CFAP70: variants seen among roughly 807,000 people sequenced by gnomAD.
CFAP70 encodes cilia- and flagella-associated protein 70.
A neutral mutation model predicts 137.6 loss-of-function variants in CFAP70; 81 were observed. That is an observed-to-expected ratio of 0.59 (90% confidence interval 0.49 to 0.71). The LOEUF is 0.71. CFAP70 is among the 30% of genes least tolerant of loss of function. CFAP70 has a pLI of 0.00. For missense variants in CFAP70, 976 were observed against 1,226.7 expected (o/e 0.80, Z 3.05); for synonymous variants, 382 against 423.6 (o/e 0.90, Z 1.20).
intron 1 of CFAP70, among the ~76,000 whole-genome samples, chr10:73,357,773 A>C (rs572161040): frequency 1.1e-4 from 16 of 152,224 alleles, no homozygotes; most frequent in African/African-American, 2.4e-4. Context: ...CCCTGGAATT[A>C]TCTCTCCCTT....
intron 19 of CFAP70, among the ~76,000 whole-genome samples, chr10:73,289,655 T>G (rs2048019008): frequency 6.6e-6 from 1 of 152,172 alleles, no homozygotes; most frequent in African/African-American, 2.4e-5. Flanking sequence ...AAAGATTATG[T>G]TAGGCCTTTG....
chr10:73,335,060 CTTT>C (rs547226854), intron 7 of CFAP70, among the ~76,000 whole-genome samples: 212 of 118,328 alleles, frequency 1.8e-3, no homozygotes, highest in African/African-American at 6.7e-3. Flanking sequence ...TCTTCTTCTT[CTTT>C]TTTTTTTTTT....
chr10:73,333,595 C>T (rs1033566406), intron 7 of CFAP70, among the ~76,000 whole-genome samples: 4 of 151,728 alleles, frequency 2.6e-5, no homozygotes, highest in Admixed American at 2.0e-4. Context: ...AAGACAGTAG[C>T]GCAAACTATT....
At chr10:73,348,699 T>C (rs2053936215) in intron 3 of CFAP70, among the ~76,000 whole-genome samples, 178 bp from the exon 4 acceptor site, 1 of 152,208 alleles carries the variant, frequency 6.6e-6, no homozygotes, top group Non-Finnish European at 1.5e-5. Context: ...TCAGTGACTT[T>C]TGAACTTTTT....
chr10:73,333,991 G>A (rs2052375115), intron 7 of CFAP70, among the ~76,000 whole-genome samples: 1 of 152,216 alleles, frequency 6.6e-6, no homozygotes. Flanking sequence ...CCAAGTGGGT[G>A]ACCAGGGGTA....
intron 6 of CFAP70, among the ~76,000 whole-genome samples, chr10:73,339,176 C>G (rs2053002732): frequency 6.6e-6 from 1 of 152,118 alleles, no homozygotes; most frequent in Non-Finnish European, 1.5e-5. Flanking sequence ...TCTCGGCCTC[C>G]CAAAGTGCTA....
At chr10:73,285,161 G>C (rs1187127265) in intron 19 of CFAP70, among the ~76,000 whole-genome samples, 1 of 152,056 alleles carries the variant, frequency 6.6e-6, no homozygotes, top group African/African-American at 2.4e-5. Flanking sequence ...TACAATACTA[G>C]GTTAAATTAA....
At chr10:73,255,170 G>T (rs138425014) in intron 26 of CFAP70, among the ~76,000 whole-genome samples, 2 of 152,074 alleles carry the variant, frequency 1.3e-5, no homozygotes, top group Non-Finnish European at 2.9e-5. Flanking sequence ...AGGCCGAGGC[G>T]GGGGGATCAC....
At chr10:73,331,412 G>C (rs2052068891) in intron 7 of CFAP70, 136 bp from the exon 9 acceptor site, 2 of 671,310 alleles carry the variant, frequency 3.0e-6, no homozygotes, top group African/African-American at 3.7e-5. Flanking sequence ...CGGCTCAGTG[G>C]CTCATGCCTG....
intron 12 of CFAP70, among the ~76,000 whole-genome samples, chr10:73,302,250 G>A (rs2049005933): frequency 6.6e-6 from 1 of 152,110 alleles, no homozygotes; most frequent in Non-Finnish European, 1.5e-5. Context: ...GAGCTCTGGG[G>A]GACTCCAACA....
intron 12 of CFAP70, among the ~76,000 whole-genome samples, chr10:73,308,564 G>T (rs1056235418): frequency 1.0e-4 from 15 of 149,950 alleles, no homozygotes; most frequent in Non-Finnish European, 1.5e-4. Flanking sequence ...GGAGGCAGAG[G>T]TTGCCATGAG....
chr10:73,332,304 A>G (rs1261464864), intron 7 of CFAP70, among the ~76,000 whole-genome samples: 1 of 152,240 alleles, frequency 6.6e-6, no homozygotes, highest in African/African-American at 2.4e-5. Flanking sequence ...AAGTTCTCAC[A>G]GTGAAGATAG....
chr10:73,329,842 C>G (rs1366784003), intron 8 of CFAP70, among the ~76,000 whole-genome samples: 1 of 152,098 alleles, frequency 6.6e-6, no homozygotes. Flanking sequence ...GAGAAAAATT[C>G]TCTGTATTTA....
intron 19 of CFAP70, 22 bp downstream of exon 20, chr10:73,291,204 C>T: frequency 7.5e-6 from 12 of 1,610,346 alleles, no homozygotes; most frequent in Non-Finnish European, 1.0e-5. Context: ...AGCCACTCTT[C>T]ACCTCTATTC....
chr10:73,345,187 T>C (rs2132455712), intron 4 of CFAP70: 1 of 1,614,168 alleles, frequency 6.2e-7, no homozygotes, highest in South Asian at 1.1e-5. Context: ...CCCCCTGAGA[T>C]CTGGGCTGTG....
intron 25 of CFAP70, among the ~76,000 whole-genome samples, chr10:73,263,465 T>C (rs1274470525): frequency 6.6e-6 from 1 of 152,246 alleles, no homozygotes; most frequent in Non-Finnish European, 1.5e-5. Flanking sequence ...TAATCTGGAA[T>C]AGTTCTTGAG....
rs1241886895 is a variant in CFAP70 at position 73,291,419 on chromosome 10, A to G, written c.2046T>C (p.Asn682=). ...GAAATGCCATTTCCATTCGAATATC[A>G]TTGTTTTGAATTTCATAGTACAAAC... Residue 682 remains asparagine (N), a synonymous_variant, in exon 19 of 27, where the codon AAT becomes AAC. Coordinates refer to ENST00000310715, the Ensembl canonical transcript of CFAP70. The G allele has an allele frequency of 3.7e-6, 6 of 1,614,044 alleles. No individual in the cohort carries two copies. In the African/African-American group the frequency reaches 8.0e-5, roughly 22 times the overall value.
intron 8 of CFAP70, among the ~76,000 whole-genome samples, chr10:73,327,852 TG>T (rs2051632383): frequency 1.3e-5 from 2 of 152,090 alleles, no homozygotes; most frequent in African/African-American, 4.8e-5. Flanking sequence ...TACAAAGAAA[TG>T]GAAGAACATT....
At chr10:73,323,635 T>C (rs115704615) in intron 8 of CFAP70, among the ~76,000 whole-genome samples, 2,177 of 152,298 alleles carry the variant, frequency 0.014, 47 homozygotes, top group African/African-American at 0.045. Context: ...TACTGCGCTT[T>C]TGCCGACGGG....
Sources: allele counts gnomAD v4.1 joint callset (sites outside exome capture counted in the v4.1 genomes callset), GRCh38; gene constraint gnomAD v4.1.1; transcripts MANE v1.5; gene names NCBI Gene and HGNC (gene_info 2026-07-23, HGNC 2026-07-21).